The following GRIN2A variants were observed in gnomAD, a reference collection of about 807,000 sequenced individuals.
The protein encoded by GRIN2A is glutamate ionotropic receptor NMDA type subunit 2A, also known as glutamate receptor ionotropic, NMDA 2A.
Under a neutral mutation model 113.4 loss-of-function variants are expected in GRIN2A, and 22 were observed. That is an observed-to-expected ratio of 0.19 (90% confidence interval 0.14 to 0.28). The LOEUF is 0.28. GRIN2A is among the 10% of genes least tolerant of loss of function. The probability of loss-of-function intolerance (pLI) is 1.00; values close to 1 mark genes in which losing one functional copy is unlikely to be tolerated. For synonymous variants in GRIN2A, 827 were observed against 738.4 expected (o/e 1.12, Z -1.94); for missense variants, 1,502 against 1,887.0 (o/e 0.80, Z 3.78).
chr16:10,164,100 C>A (rs1020943376), intron 2 of GRIN2A, among the ~76,000 whole-genome samples: 2 of 152,186 alleles, frequency 1.3e-5, no homozygotes, highest in African/African-American at 4.8e-5. Context: ...GTCTTAAGAC[C>A]AATATTTGAT....
At chr16:10,093,069 G>C (rs1483599370) in intron 2 of GRIN2A, among the ~76,000 whole-genome samples, 1 of 151,966 alleles carries the variant, frequency 6.6e-6, no homozygotes, top group Admixed American at 6.6e-5. Context: ...CAAACTCCTG[G>C]CTCAAGTGAT....
chr16:10,052,636 G>C (rs79519957), intron 2 of GRIN2A, among the ~76,000 whole-genome samples: 2,679 of 152,290 alleles, frequency 0.018, 30 homozygotes, highest in Non-Finnish European at 0.03. Context: ...GAAAATGTAG[G>C]TCCTGTGCTG....
intron 2 of GRIN2A, among the ~76,000 whole-genome samples, chr16:9,964,355 G>A (rs9925681): frequency 0.011 from 1,687 of 152,282 alleles, 25 homozygotes; most frequent in African/African-American, 0.039. Flanking sequence ...TCCTGAAAAT[G>A]TGACCACTGT....
In GRIN2A at chr16:10,133,714, C is replaced by T. The variant is rs974069878; in HGVS notation, c.414+46284G>A. Among the ~76,000 whole-genome samples, 6 of 152,292 alleles carry T rather than the reference C, an allele frequency of 3.9e-5. No individual in the cohort carries two copies. In the East Asian group the frequency reaches 5.8e-4, roughly 15 times the overall value. ...GTACTTATAAGAATCTGAGCATGATCCCTCCTGGGTCAAAGTTTCTCTCCA... is the reference window on the plus strand; with the variant it reads ...GTACTTATAAGAATCTGAGCATGATTCCTCCTGGGTCAAAGTTTCTCTCCA... On this transcript the variant is annotated intron_variant, in intron 2 of 12. Transcript: ENST00000330684.
At chr16:9,797,621 A>G (rs1193490575) in intron 11 of GRIN2A, among the ~76,000 whole-genome samples, 11 of 152,328 alleles carry the variant, frequency 7.2e-5, no homozygotes, top group Non-Finnish European at 7.3e-5. Context: ...GTCATGCCTG[A>G]TAAGTCTAGG....
At chr16:10,039,542 T>G (rs2047103008) in intron 2 of GRIN2A, among the ~76,000 whole-genome samples, 1 of 151,940 alleles carries the variant, frequency 6.6e-6, no homozygotes, top group Non-Finnish European at 1.5e-5. Context: ...GGAGCAAGGC[T>G]TACCAAGGCT....
chr16:10,148,766 G>C (rs1413425494), intron 2 of GRIN2A, among the ~76,000 whole-genome samples: 1 of 152,130 alleles, frequency 6.6e-6, no homozygotes, highest in Non-Finnish European at 1.5e-5. Flanking sequence ...AGAGATATCT[G>C]CACTCCTATG....
At chr16:10,096,095 T>C (rs1567295356) in intron 2 of GRIN2A, among the ~76,000 whole-genome samples, 1 of 152,186 alleles carries the variant, frequency 6.6e-6, no homozygotes, top group African/African-American at 2.4e-5. Context: ...TTAAAAAACA[T>C]ATGAGCCCAA....
At chr16:10,094,919 G>A (rs1260539364) in intron 2 of GRIN2A, among the ~76,000 whole-genome samples, 2 of 149,802 alleles carry the variant, frequency 1.3e-5, no homozygotes, top group Non-Finnish European at 3.0e-5. Context: ...GGACTTCTAG[G>A]GATGGAATTT....
chr16:10,019,446 A>G (rs557102513), intron 2 of GRIN2A, among the ~76,000 whole-genome samples: 1 of 152,352 alleles, frequency 6.6e-6, no homozygotes, highest in Admixed American at 6.5e-5. Flanking sequence ...GGAAATGTTT[A>G]ATCTGTAAGC....
rs560388096 is a variant in GRIN2A, at chr16:9,797,533, T to C, written c.2356+744A>G. ...ATGCCACAGTCTCATTAGACTGCAA[T>C]AGAGATTGCCTTTCCTTCATTCCTC... On this transcript the variant is annotated intron_variant, in intron 11 of 12. Coordinates refer to ENST00000330684, the MANE Select transcript of GRIN2A (RefSeq NM_001134407.3). Among the ~76,000 whole-genome samples the C allele has an allele frequency of 5.9e-5, 9 of 152,236 alleles. No individual in the cohort carries two copies. In the East Asian group the frequency reaches 1.4e-3, roughly 23 times the overall value.
intron 2 of GRIN2A, among the ~76,000 whole-genome samples, chr16:10,017,056 C>A (rs1202781423): frequency 1.3e-5 from 2 of 152,168 alleles, no homozygotes; most frequent in Non-Finnish European, 2.9e-5. Context: ...CTCTTTCTGT[C>A]CTCTGAAGAG....
intron 3 of GRIN2A, among the ~76,000 whole-genome samples, chr16:9,892,300 G>T (rs1373300124): frequency 6.6e-6 from 1 of 152,132 alleles, no homozygotes; most frequent in African/African-American, 2.4e-5. Context: ...AGAGGTAATA[G>T]ATCATGTCAA....
chr16:10,110,188 G>A (rs1464757211), intron 2 of GRIN2A, among the ~76,000 whole-genome samples: 2 of 152,050 alleles, frequency 1.3e-5, no homozygotes, highest in Non-Finnish European at 2.9e-5. Context: ...AGAAAGTTCT[G>A]GGCAAAGGGA....
chr16:9,909,894 C>G (rs1193367581), intron 3 of GRIN2A, among the ~76,000 whole-genome samples: 1 of 152,184 alleles, frequency 6.6e-6, no homozygotes, highest in African/African-American at 2.4e-5. Flanking sequence ...ACTATGTTAA[C>G]AATACCACAG....
chr16:9,988,337 AT>A (rs1310075281), intron 2 of GRIN2A, among the ~76,000 whole-genome samples: 1 of 151,946 alleles, frequency 6.6e-6, no homozygotes, highest in Non-Finnish European at 1.5e-5. Flanking sequence ...ACAAACACAC[AT>A]TTTTAAATTT....
chr16:9,828,530 C>A (rs1057009214), intron 9 of GRIN2A, among the ~76,000 whole-genome samples: 4 of 152,184 alleles, frequency 2.6e-5, no homozygotes, highest in Admixed American at 6.5e-5. Context: ...TAACGAGAGA[C>A]AAATTATCCC....
chr16:10,166,968 T>C (rs1312913572), intron 2 of GRIN2A, among the ~76,000 whole-genome samples: 4 of 152,228 alleles, frequency 2.6e-5, no homozygotes, highest in Non-Finnish European at 2.9e-5. Context: ...ATAATACATA[T>C]AGCATAGAAA....
intron 10 of GRIN2A, among the ~76,000 whole-genome samples, chr16:9,807,900 A>G (rs551624051): frequency 1.3e-5 from 2 of 152,326 alleles, no homozygotes; most frequent in South Asian, 4.1e-4. Flanking sequence ...ATGTTTATGC[A>G]CTGGTTGAAT....
Sources: allele counts gnomAD v4.1 joint callset (sites outside exome capture counted in the v4.1 genomes callset), GRCh38; gene constraint gnomAD v4.1.1; transcripts MANE v1.5; gene names NCBI Gene and HGNC (gene_info 2026-07-23, HGNC 2026-07-21).